Variants in TRMT13 observed in about 807,000 individuals in gnomAD.
The protein encoded by TRMT13 is tRNA methyltransferase 13.
Under a neutral mutation model 55.9 loss-of-function variants are expected in TRMT13, and 45 were observed. That is an observed-to-expected ratio of 0.80 (90% confidence interval 0.63 to 1.03). The LOEUF (loss-of-function observed/expected upper bound fraction) is 1.03, where lower values mean the gene tolerates loss of function less well. Among genes scored for constraint, TRMT13 ranks in the 50% least tolerant of loss-of-function variants. The probability of loss-of-function intolerance (pLI) is 0.00; values close to 1 mark genes in which losing one functional copy is unlikely to be tolerated. For synonymous variants in TRMT13, 183 were observed against 196.3 expected, an observed-to-expected ratio of 0.93 and a Z score of 0.57; for missense variants, 513 against 563.9, an observed-to-expected ratio of 0.91 and a Z score of 0.91.
intron 1 of TRMT13, among the ~76,000 whole-genome samples, chr1:100,134,116 A>G (rs1427008224): frequency 6.6e-6 from 1 of 152,204 alleles, no homozygotes; most frequent in Non-Finnish European, 1.5e-5. Context: ...TTAAGAATGC[A>G]ACTTTGCTGG....
chr1:100,143,250 A>G, intron 8 of TRMT13, 41 bp downstream of exon 8: 1 of 1,300,722 alleles, frequency 7.7e-7, no homozygotes, highest in Non-Finnish European at 1.1e-6. Flanking sequence ...AATAAATCAT[A>G]ACTGTTTTAA....
chr1:100,133,422 T>G, intron 1 of TRMT13, 107 bp downstream of exon 1: 3 of 1,327,994 alleles, frequency 2.3e-6, no homozygotes, highest in Non-Finnish European at 3.0e-6. Context: ...TTGTGTCCCC[T>G]GGATTCTCCA....
chr1:100,135,072 T>C (rs150963095), intron 1 of TRMT13, among the ~76,000 whole-genome samples: 1 of 152,282 alleles, frequency 6.6e-6, no homozygotes, highest in Non-Finnish European at 1.5e-5. Flanking sequence ...GTTGTCAAAC[T>C]GAGGAGTATC....
chr1:100,136,519 A>G (rs1331410425), intron 1 of TRMT13, among the ~76,000 whole-genome samples: 1 of 152,192 alleles, frequency 6.6e-6, no homozygotes, highest in Non-Finnish European at 1.5e-5. Context: ...ATATACAACT[A>G]TTTGTCAATT....
intron 9 of TRMT13, among the ~76,000 whole-genome samples, chr1:100,146,906 A>G (rs1371335603): frequency 1.3e-5 from 2 of 152,248 alleles, no homozygotes; most frequent in African/African-American, 4.8e-5. Flanking sequence ...TAGTTTATGA[A>G]ATAATAGATT....
chr1:100,148,535 AAC>A (rs1657585284), intron 10 of TRMT13, 88 bp from the exon 11 acceptor site: 1 of 1,253,628 alleles, frequency 8.0e-7, no homozygotes, highest in African/African-American at 1.5e-5. Flanking sequence ...TGGGTTAGTT[AAC>A]AGTCTCTCAA....
At position 100,148,645 on chromosome 1, in the gene TRMT13, A is replaced by G. The variant is rs1452442697; in HGVS notation, c.1271A>G (p.Lys424Arg). ...CLPGLLSVEE[K>R]KKIGHLCKLL... is the part of the protein sequence containing the mutation. ...TTTAGGCTTCTTAGTGTTGAAGAAAAGAAGAAAATAGGGCATCTTTGTAAA... is the reference window on the plus strand; with the variant it reads ...TTTAGGCTTCTTAGTGTTGAAGAAAGGAAGAAAATAGGGCATCTTTGTAAA... Residue 424 changes from lysine to arginine, a missense_variant, in exon 11 of 11, where the codon AAG becomes AGG. Lys to Arg is a conservative substitution (Grantham distance 26). Around this residue, in one of 3 missense-constraint regions of TRMT13, gnomAD observed 209 missense variants for 255.8 expected, o/e 0.82. Transcript: ENST00000370141. 1.2e-6 allele frequency: 2 copies of G among 1,608,192 alleles called. No homozygotes were observed. The highest frequency in any genetic ancestry group is 1.7e-6 in the Non-Finnish European group (2 of 1,178,702).
chr1:100,137,746 A>G (rs761397293), intron 3 of TRMT13, among the ~76,000 whole-genome samples: 1 of 152,164 alleles, frequency 6.6e-6, no homozygotes, highest in Non-Finnish European at 1.5e-5. Context: ...ATGTCTTGCA[A>G]TAGCACCGCT....
At position 100,148,263 on chromosome 1, in the gene TRMT13, A is replaced by G. The variant is rs1557916902; in HGVS notation, c.1187A>G (p.Asp396Gly). 1 of 1,614,212 alleles carries G rather than the reference A, an allele frequency of 6.2e-7. No individual in the cohort carries two copies. ...TTKRQDNQND[D>G]SEEHDDGGYR... ...AAGAGGCAAGATAATCAGAATGATG[A>G]TAGTGAAGAGCATGATGATGGAGGA... The change falls in exon 10 of 11, where the codon GAT becomes GGT. Residue 396 changes from aspartate (D) to glycine (G), a missense_variant. Asp to Gly is a moderately conservative substitution (Grantham distance 94, BLOSUM62 -1). This residue lies in a region of TRMT13 where 209 missense variants were observed against 255.8 expected (regional missense o/e 0.82). Coordinates refer to ENST00000370141, the MANE Select transcript of TRMT13 (RefSeq NM_019083.3).
At chr1:100,139,779 G>T in intron 4 of TRMT13, 68 bp downstream of exon 4, 1 of 996,116 alleles carries the variant, frequency 1.0e-6, no homozygotes, top group South Asian at 1.6e-5. Flanking sequence ...TGTGAATAAG[G>T]CATGTTCTAA....
At position 100,143,193 on chromosome 1, in the gene TRMT13, TC is replaced by T; in HGVS notation, c.727del (p.Gln243AsnfsTer5). ...SVFERLQIDIQHLCLNKIPVL... is the reference protein window; with the variant it reads ...SVFERLQIDIXHLCLNKIPVL... The stretch of plus-strand genomic sequence containing the variant: ...TGTTTGAAAGACTTCAAATTGATAT[TC>T]AACACTTGTGTTTGAGTAAGTTGTG... On this transcript the variant is annotated frameshift_variant, in exon 8 of 11. Transcript: ENST00000370141. LOFTEE classifies it high-confidence loss of function. The T allele has an allele frequency of 6.2e-7, 1 of 1,607,094 alleles. No homozygotes were observed. The highest frequency in any genetic ancestry group is 8.5e-7 in the Non-Finnish European group (1 of 1,175,222).
Position 100,140,204 on chromosome 1 carries a change from A to G in TRMT13, c.347A>G (p.Glu116Gly), listed in dbSNP as rs765632979. 1.9e-6 allele frequency: 3 copies of G among 1,611,844 alleles called. No individual in the cohort carries two copies. The highest frequency in any genetic ancestry group is 4.5e-5 in the East Asian group (2 of 44,838). The change falls in exon 5 of 11, where the codon GAA (glutamate) becomes GGA (glycine). Residue 116 changes from glutamate to glycine, a missense_variant. Coordinates refer to ENST00000370141, the MANE Select transcript of TRMT13 (RefSeq NM_019083.3). ...EQLVPISSLSEEQLEKLIKKL... is the reference protein window; with the variant it reads ...EQLVPISSLSGEQLEKLIKKL... ...TAGGTTCCAATTTCTTCTCTATCTG[A>G]AGAGCAGTTGGAAAAGTTAATTAAG... is the stretch of plus-strand genomic sequence containing the variant.
At chr1:100,136,769 G>A in intron 1 of TRMT13, 113 bp from the exon 2 acceptor site, 1 of 1,032,214 alleles carries the variant, frequency 9.7e-7, no homozygotes, top group Non-Finnish European at 1.4e-6. Flanking sequence ...TTATGTCCTT[G>A]TAAGGTTTCC....
At chr1:100,136,507 A>G (rs1441858770) in intron 1 of TRMT13, among the ~76,000 whole-genome samples, 1 of 152,194 alleles carries the variant, frequency 6.6e-6, no homozygotes, top group Admixed American at 6.5e-5. Flanking sequence ...TATGTGATAA[A>G]TATATACAAC....
intron 7 of TRMT13, among the ~76,000 whole-genome samples, chr1:100,141,696 A>G (rs550713806): frequency 6.6e-6 from 1 of 152,298 alleles, no homozygotes; most frequent in East Asian, 1.9e-4. Flanking sequence ...GTGAAGTGTT[A>G]AAATACGAGA....
At chr1:100,144,217 G>T in intron 9 of TRMT13, 74 bp downstream of exon 9, 1 of 1,039,396 alleles carries the variant, frequency 9.6e-7, no homozygotes, top group Non-Finnish European at 1.5e-6. Context: ...CCATTTCAGT[G>T]GTCTCTTTTG....
At position 100,149,294 on chromosome 1, in the gene TRMT13, T is replaced by C. The variant is rs550300589; in HGVS notation, c.*474T>C. The C allele has an allele frequency of 1.1e-5, 17 of 1,532,508 alleles. No individual in the cohort carries two copies. In the East Asian group the frequency reaches 3.2e-4, roughly 29 times the overall value. 94.9% of individuals were successfully genotyped at this position (1,532,508 alleles called of 1,614,324 possible). ...TTCCCTACAGATCTGGAAAGCACAATTGTGATTTTCTCAAATGCAGACAAT... is the reference window on the plus strand; with the variant it reads ...TTCCCTACAGATCTGGAAAGCACAACTGTGATTTTCTCAAATGCAGACAAT... On this transcript the variant is annotated 3_prime_UTR_variant, in exon 11 of 11. Transcript: ENST00000370141.
Position 100,135,477 on chromosome 1 carries a change from A to G in TRMT13, c.148-1405A>G, listed in dbSNP as rs564574755. Among the ~76,000 whole-genome samples, 51 of 152,330 alleles carry G rather than the reference A, an allele frequency of 3.3e-4. No individual in the cohort carries two copies. The South Asian group carries it at 4.3e-3, about 13-fold the overall frequency. On this transcript the variant is annotated intron_variant, in intron 1 of 10. Coordinates refer to ENST00000370141, the MANE Select transcript of TRMT13 (RefSeq NM_019083.3). ...ACATTCGAACAGAAATAAATTTTTA[A>G]AAGAATAATAATAGCAGACACTTAG...
intron 4 of TRMT13, 124 bp from the exon 5 acceptor site, chr1:100,140,058 T>C (rs998882597): frequency 1.4e-5 from 9 of 651,972 alleles, no homozygotes; most frequent in Admixed American, 3.1e-5. Context: ...GGGAAAAGGC[T>C]TGATAGAGAG....
Sources: gnomAD v4.1 joint callset for allele counts (sites outside exome capture counted in the v4.1 genomes callset) on GRCh38, gnomAD v4.1.1 for gene constraint, gnomAD v4.1.1 regional missense constraint, MANE v1.5 for transcripts, NCBI Gene and HGNC (gene_info 2026-07-23, HGNC 2026-07-21) for gene names.